Variants in PCDHAC2 observed in about 807,000 individuals in gnomAD.
PCDHAC2 encodes the protein protocadherin alpha subfamily C, 2, also known as protocadherin alpha-C2.
Under a neutral mutation model 63.3 loss-of-function variants are expected in PCDHAC2, and 24 were observed. That is an observed-to-expected ratio of 0.38 (90% CI 0.27 to 0.53). The LOEUF is 0.53. Ranked by LOEUF, PCDHAC2 falls within the 20% of genes least tolerant of loss-of-function variation. The probability of loss-of-function intolerance (pLI) is 0.81; values close to 1 mark genes in which losing one functional copy is unlikely to be tolerated. For synonymous variants in PCDHAC2, 569 were observed against 529.4 expected (o/e 1.07, Z -1.03); for missense variants, 1,181 against 1,275.2 (o/e 0.93, Z 1.12).
In PCDHAC2 at chr5:140,978,956, A is replaced by G; in HGVS notation, c.2573A>G (p.Gln858Arg). 3 of 1,614,194 alleles carry G rather than the reference A, an allele frequency of 1.9e-6. No individual in the cohort carries two copies. The highest frequency in any genetic ancestry group is 2.5e-6 in the Non-Finnish European group (3 of 1,180,026). ...CTCTTTGTGATTTTGCAGCCACGAC[A>G]GCCCAACCCTGACTGGCGTTACTCT... ...NEAVSQNEPR[Q>R]PNPDWRYSAS... Residue 858 changes from glutamine (Q) to arginine (R), a missense_variant, in exon 2 of 4, where the codon CAG becomes CGG. Transcript: ENST00000289269.
intron 3 of PCDHAC2, among the ~76,000 whole-genome samples, chr5:141,007,680 C>G (rs1179621299): frequency 1.3e-5 from 2 of 152,148 alleles, no homozygotes; most frequent in African/African-American, 4.8e-5. Flanking sequence ...CAAAAGTTAT[C>G]CTACTTCCAC....
intron 3 of PCDHAC2, among the ~76,000 whole-genome samples, chr5:140,995,545 T>C (rs998594175): frequency 1.3e-5 from 2 of 152,206 alleles, no homozygotes; most frequent in Non-Finnish European, 2.9e-5. Flanking sequence ...TAAGGGGCGA[T>C]CACTGTACTG....
intron 3 of PCDHAC2, among the ~76,000 whole-genome samples, chr5:141,001,514 C>A (rs2098022369): frequency 6.6e-6 from 1 of 152,210 alleles, no homozygotes; most frequent in Admixed American, 6.5e-5. Flanking sequence ...GCTTAGCTTT[C>A]TCCCTCTCTC....
At chr5:140,985,562 C>G (rs1477250763) in intron 3 of PCDHAC2, among the ~76,000 whole-genome samples, 1 of 152,116 alleles carries the variant, frequency 6.6e-6, no homozygotes, top group Non-Finnish European at 1.5e-5. Flanking sequence ...CAAAAGGCTT[C>G]TTTCTGGTGC....
Position 140,967,588 on chromosome 5 carries a change from A to G in PCDHAC2, c.822A>G (p.Thr274=), listed in dbSNP as rs782208520. The G allele has an allele frequency of 4.3e-6, 7 of 1,614,116 alleles. No homozygotes were observed. Among genetic ancestry groups the G allele is most frequent in the Non-Finnish European group, 5.1e-6 (6 of 1,180,030 alleles). ...VQLREDSPPG[T]LVVKLNASDP... is the part of the protein sequence containing the mutation. ...TACGGGAGGACTCACCCCCAGGCAC[A>G]TTGGTGGTGAAGCTGAATGCCTCAG... is the stretch of plus-strand genomic sequence containing the variant. Residue 274 remains threonine, a synonymous_variant, in exon 1 of 4, where the codon ACA becomes ACG. Coordinates refer to ENST00000289269, the MANE Select transcript of PCDHAC2 (RefSeq NM_018899.6).
chr5:140,968,859 C>T lies in PCDHAC2; in HGVS notation c.2093C>T (p.Pro698Leu). Reference sequence around the variant, plus strand: ...GACACTCAGAGGCATGTTAAGAGCCCTCGGACATACTCTGAAATTACCCTT... The same window carrying T: ...GACACTCAGAGGCATGTTAAGAGCCTTCGGACATACTCTGAAATTACCCTT... ...LPDTQRHVKSPRTYSEITLYL... is the reference protein window; with the variant it reads ...LPDTQRHVKSLRTYSEITLYL... The change falls in exon 1 of 4, where the codon CCT becomes CTT. Residue 698 changes from proline to leucine, a missense_variant. Transcript: ENST00000289269. 6.2e-7 allele frequency: 1 copy of T among 1,614,184 alleles called. No homozygotes were observed. Among genetic ancestry groups the T allele is most frequent in the Non-Finnish European group, 8.5e-7 (1 of 1,180,032 alleles).
chr5:141,002,049 A>G (rs1288460436), intron 3 of PCDHAC2, among the ~76,000 whole-genome samples: 1 of 152,228 alleles, frequency 6.6e-6, no homozygotes, highest in Non-Finnish European at 1.5e-5. Flanking sequence ...CTGGGCATCC[A>G]GAGGCAGCAG....
At position 140,987,008 on chromosome 5, in the gene PCDHAC2, G is replaced by A. The variant is rs958548514; in HGVS notation, c.2713+4445G>A. 2.6e-5 allele frequency among the ~76,000 whole-genome samples: 4 copies of A among 152,260 alleles called. No individual in the cohort carries two copies. The South Asian group carries it at 6.2e-4, about 24-fold the overall frequency. On this transcript the variant is annotated intron_variant, in intron 3 of 3. Transcript: ENST00000289269. ...GCAGGCAGATCACTTGAGGTCATGA[G>A]TTCGAGACCAGCCTGGTCAACATGG... is the stretch of plus-strand genomic sequence containing the variant.
At chr5:141,008,428 T>C (rs2098376052) in intron 3 of PCDHAC2, among the ~76,000 whole-genome samples, 1 of 152,182 alleles carries the variant, frequency 6.6e-6, no homozygotes, top group Admixed American at 6.5e-5. Flanking sequence ...TGGGATCACT[T>C]TGCCCAGACA....
intron 1 of PCDHAC2, among the ~76,000 whole-genome samples, chr5:140,975,935 C>T (rs1351802479): frequency 6.6e-6 from 1 of 152,060 alleles, no homozygotes; most frequent in East Asian, 1.9e-4. Flanking sequence ...ACCTTTGAAG[C>T]AATAGGACAT....
At chr5:140,970,009 A>G (rs2096376687) in intron 1 of PCDHAC2, among the ~76,000 whole-genome samples, 2 of 152,174 alleles carry the variant, frequency 1.3e-5, no homozygotes, top group African/African-American at 4.8e-5. Flanking sequence ...GGAGTGGATG[A>G]TGGTGAGGCA....
chr5:141,010,152 T>C lies in PCDHAC2; in HGVS notation c.*215T>C. The C allele has an allele frequency of 1.3e-6, 2 of 1,575,858 alleles. No individual in the cohort carries two copies. The highest frequency in any genetic ancestry group is 1.7e-6 in the Non-Finnish European group (2 of 1,159,570). On this transcript the variant is annotated 3_prime_UTR_variant, in exon 4 of 4. Coordinates refer to ENST00000289269, the MANE Select transcript of PCDHAC2 (RefSeq NM_018899.6). ...TGGTGTTAACTCTTTCTCTCCACTCTGGCTTGTTTTCAGAACCTAAAAAGC... is the reference window on the plus strand; with the variant it reads ...TGGTGTTAACTCTTTCTCTCCACTCCGGCTTGTTTTCAGAACCTAAAAAGC...
chr5:140,981,603 C>T (rs1213864255), intron 2 of PCDHAC2, among the ~76,000 whole-genome samples: 4 of 152,052 alleles, frequency 2.6e-5, no homozygotes, highest in Non-Finnish European at 5.9e-5. Context: ...CAAAATGTTC[C>T]TCTAATTTTG....
At chr5:140,971,110 G>A (rs2096457221) in intron 1 of PCDHAC2, among the ~76,000 whole-genome samples, 1 of 152,172 alleles carries the variant, frequency 6.6e-6, no homozygotes, top group Admixed American at 6.5e-5. Flanking sequence ...CTTTGGGATT[G>A]GGGTGGGCTA....
In PCDHAC2 at chr5:140,966,970, G is replaced by C; in HGVS notation, c.204G>C (p.Glu68Asp). Residue 68 changes from glutamate (E) to aspartate (D), a missense_variant, in exon 1 of 4, where the codon GAG (glutamate) becomes GAC (aspartate). By Grantham distance (45) the Glu-to-Asp change is conservative. Coordinates refer to ENST00000289269, the MANE Select transcript of PCDHAC2 (RefSeq NM_018899.6). ...VGNVARALGL[E>D]LRRLGPGCLR... ...ACGTGGCTCGCGCGCTGGGGCTTGA[G>C]CTGCGGCGCTTGGGGCCGGGTTGCT... is the stretch of plus-strand genomic sequence containing the variant. The C allele has an allele frequency of 6.2e-7, 1 of 1,602,870 alleles. No individual in the cohort carries two copies. The highest frequency in any genetic ancestry group is 8.5e-7 in the Non-Finnish European group (1 of 1,177,964).
At chr5:140,997,481 A>G (rs1563624223) in intron 3 of PCDHAC2, among the ~76,000 whole-genome samples, 1 of 152,224 alleles carries the variant, frequency 6.6e-6, no homozygotes, top group Non-Finnish European at 1.5e-5. Flanking sequence ...ACACAATGAT[A>G]AGTATTTGTG....
At chr5:140,989,598 TA>T (rs1554250927) in intron 3 of PCDHAC2, among the ~76,000 whole-genome samples, 1 of 152,144 alleles carries the variant, frequency 6.6e-6, no homozygotes, top group Non-Finnish European at 1.5e-5. Flanking sequence ...CTGACACAAG[TA>T]AACTAAAAAT....
chr5:141,010,408 A>G lies in PCDHAC2; in HGVS notation c.*471A>G. 1 of 1,251,364 alleles carries G rather than the reference A, an allele frequency of 8.0e-7. No homozygotes were observed. Among genetic ancestry groups the G allele is most frequent in the Non-Finnish European group, 1.1e-6 (1 of 926,828 alleles). 77.5% of individuals were successfully genotyped at this position (1,251,364 alleles called of 1,614,324 possible). ...GGCTGAGACGAGCCAGCTTAGACTA[A>G]TTGGTACAAGGAAGGCAAGAAAACA... On this transcript the variant is annotated 3_prime_UTR_variant, in exon 4 of 4. Transcript: ENST00000289269.
intron 3 of PCDHAC2, among the ~76,000 whole-genome samples, chr5:140,989,861 C>G (rs1449611550): frequency 6.6e-6 from 1 of 152,042 alleles, no homozygotes; most frequent in Non-Finnish European, 1.5e-5. Context: ...GGAGAGGAAT[C>G]TTTCTCTGCC....
Sources: allele counts gnomAD v4.1 joint callset (sites outside exome capture counted in the v4.1 genomes callset), GRCh38; gene constraint gnomAD v4.1.1; transcripts MANE v1.5; gene names NCBI Gene and HGNC (gene_info 2026-07-23, HGNC 2026-07-21).